The following TRIM37 variants were observed in gnomAD, a reference collection of about 807,000 sequenced individuals.
The protein encoded by TRIM37 is E3 ubiquitin-protein ligase TRIM37.
TRIM37 carries 80 observed loss-of-function variants against 129.8 expected under a neutral mutation model. The observed-to-expected ratio is 0.62, with a 90% CI of 0.51 to 0.74. The LOEUF (loss-of-function observed/expected upper bound fraction) is 0.74, where lower values mean the gene tolerates loss of function less well. TRIM37 is among the 30% of genes least tolerant of loss of function. The pLI, the probability that TRIM37 is intolerant of heterozygous loss-of-function variation, is 0.00. For missense variants in TRIM37, 1,054 were observed against 1,176.5 expected (o/e 0.90, Z 1.52); for synonymous variants, 389 against 387.1 (o/e 1.00, Z -0.06).
chr17:59,082,132 G>A lies in TRIM37; in HGVS notation c.370-913C>T, dbSNP rs573265439. Among the ~76,000 whole-genome samples, 22 of 150,838 alleles carry A rather than the reference G, an allele frequency of 1.5e-4. No individual in the cohort carries two copies. The South Asian group carries it at 2.5e-3, about 17-fold the overall frequency. ...TAAAAAACACAAAAATTAGCTGGGCGTGGTGGCATGCGCCTGTAATCCCAG... is the reference window on the plus strand; with the variant it reads ...TAAAAAACACAAAAATTAGCTGGGCATGGTGGCATGCGCCTGTAATCCCAG... On this transcript the variant is annotated intron_variant, in intron 5 of 23. Transcript: ENST00000262294.
chr17:58,969,605 G>GC, the TRIM37 span: 1 of 1,614,112 alleles, frequency 6.2e-7, no homozygotes. Context: ...TGCTATTTAT[G>GC]CCTCCATTCA....
At chr17:59,063,819 C>A (rs921400433) in intron 10 of TRIM37, among the ~76,000 whole-genome samples, 1 of 152,194 alleles carries the variant, frequency 6.6e-6, no homozygotes, top group Non-Finnish European at 1.5e-5. Context: ...TCCAGCCCCC[C>A]ACCTTAGTCA....
At chr17:58,969,830 A>G in the TRIM37 span, 2 of 1,091,658 alleles carry the variant, frequency 1.8e-6, no homozygotes, top group Non-Finnish European at 2.6e-6. Context: ...CTGGGCAGAC[A>G]TTATCCAAAC....
chr17:58,973,658 C>CA, the TRIM37 span, among the ~76,000 whole-genome samples: 25 of 149,388 alleles, frequency 1.7e-4, no homozygotes, highest in African/African-American at 5.4e-4. Flanking sequence ...AAACAAAAAA[C>CA]AAAAAAAACA....
intron 15 of TRIM37, 75 bp downstream of exon 15, chr17:59,049,103 T>C (rs1243708693): frequency 8.4e-7 from 1 of 1,195,254 alleles, no homozygotes; most frequent in Admixed American, 1.8e-5. Context: ...TTTTAGCACA[T>C]AATATGTTAA....
chr17:59,075,031 GCCA>G (rs1748640139), intron 8 of TRIM37, among the ~76,000 whole-genome samples: 1 of 152,188 alleles, frequency 6.6e-6, no homozygotes, highest in Admixed American at 6.5e-5. Flanking sequence ...ATATCTCAAA[GCCA>G]CCACTTAAGT....
chr17:59,069,541 A>G (rs1281421773), intron 9 of TRIM37, among the ~76,000 whole-genome samples: 2 of 152,174 alleles, frequency 1.3e-5, no homozygotes, highest in South Asian at 2.1e-4. Flanking sequence ...ATAGTATTCC[A>G]TAAGTCATCT....
At chr17:59,025,142 T>C (rs1332384091) in intron 19 of TRIM37, among the ~76,000 whole-genome samples, 1 of 152,156 alleles carries the variant, frequency 6.6e-6, no homozygotes, top group East Asian at 1.9e-4. Flanking sequence ...TAATAAAGGA[T>C]GGATTTCATA....
intron 13 of TRIM37, among the ~76,000 whole-genome samples, chr17:59,053,573 T>TA (rs2040555928): frequency 2.0e-5 from 3 of 152,154 alleles, no homozygotes; most frequent in African/African-American, 7.2e-5. Flanking sequence ...TTAAAAAAAA[T>TA]GATGTCATAA....
chr17:58,985,703 C>T (rs1004176365), intron 24 of TRIM37, among the ~76,000 whole-genome samples: 1 of 152,178 alleles, frequency 6.6e-6, no homozygotes, highest in African/African-American at 2.4e-5. Flanking sequence ...AGGGAACTGA[C>T]CTTCCAAACG....
At chr17:58,985,413 G>GTGTT (rs2031709293) in intron 24 of TRIM37, among the ~76,000 whole-genome samples, 1 of 152,182 alleles carries the variant, frequency 6.6e-6, no homozygotes, top group Admixed American at 6.5e-5. Context: ...AGAGGGAGTG[G>GTGTT]TGTTATAATC....
chr17:58,988,127 G>A (rs1220637334), intron 24 of TRIM37, among the ~76,000 whole-genome samples: 5 of 152,210 alleles, frequency 3.3e-5, no homozygotes, highest in African/African-American at 1.2e-4. Context: ...ACAGACACTG[G>A]AAAGAATAGG....
At chr17:59,068,881 T>G (rs1260779360) in intron 9 of TRIM37, among the ~76,000 whole-genome samples, 1 of 152,176 alleles carries the variant, frequency 6.6e-6, no homozygotes, top group Non-Finnish European at 1.5e-5. Context: ...TGGCAATGTC[T>G]GGAAATATTT....
chr17:59,001,109 C>T (rs774654119), intron 23 of TRIM37, among the ~76,000 whole-genome samples: 6 of 150,474 alleles, frequency 4.0e-5, no homozygotes, highest in Non-Finnish European at 5.9e-5. Flanking sequence ...GCAGGAGAAT[C>T]GCTTGAACCC....
At chr17:59,008,317 A>T (rs1255868231) in intron 22 of TRIM37, among the ~76,000 whole-genome samples, 1 of 152,230 alleles carries the variant, frequency 6.6e-6, no homozygotes, top group African/African-American at 2.4e-5. Context: ...TATTTATAGC[A>T]CAACACCCCA....
chr17:59,084,325 T>C (rs2043563889), intron 4 of TRIM37, among the ~76,000 whole-genome samples: 1 of 152,242 alleles, frequency 6.6e-6, no homozygotes, highest in South Asian at 2.1e-4. Flanking sequence ...AATACAGATT[T>C]GCTTCTTAAA....
At chr17:59,095,289 A>G (rs1349605287) in intron 2 of TRIM37, among the ~76,000 whole-genome samples, 1 of 152,180 alleles carries the variant, frequency 6.6e-6, no homozygotes, top group Admixed American at 6.6e-5. Flanking sequence ...GATACCAAAG[A>G]TAACGTTTCA....
intron 2 of TRIM37, among the ~76,000 whole-genome samples, chr17:59,097,458 CT>C (rs1162067680): frequency 1.3e-5 from 2 of 152,044 alleles, no homozygotes; most frequent in African/African-American, 4.8e-5. Flanking sequence ...ACAAAAAACA[CT>C]GGCATTTCTA....
At position 59,081,184 on chromosome 17, in the gene TRIM37, A is replaced by C; in HGVS notation, c.405T>G (p.Ile135Met). ...TCACTTTAGTGACGTGTTGCTCATA[A>C]ATTTCTGCCAAAGGTTTAAAGGTAT... ...GGHTFKPLAE[I>M]YEQHVTKVNE... is the part of the protein sequence containing the mutation. The change falls in exon 6 of 24, where the codon ATT becomes ATG. Residue 135 changes from isoleucine to methionine, a missense_variant. This residue lies in a region of TRIM37 where 752 missense variants were observed against 870.8 expected (regional missense o/e 0.86). Transcript: ENST00000262294. 6.2e-7 allele frequency: 1 copy of C among 1,613,954 alleles called. No homozygotes were observed. The highest frequency in any genetic ancestry group is 8.5e-7 in the Non-Finnish European group (1 of 1,179,930).
Sources: gnomAD v4.1 joint callset for allele counts (sites outside exome capture counted in the v4.1 genomes callset) on GRCh38, gnomAD v4.1.1 for gene constraint, gnomAD v4.1.1 regional missense constraint, MANE v1.5 for transcripts, NCBI Gene and HGNC (gene_info 2026-07-23, HGNC 2026-07-21) for gene names.